The following AFF3 variants were observed in gnomAD, a reference collection of about 807,000 sequenced individuals.
The protein encoded by AFF3 is AF4/FMR2 family member 3.
AFF3 carries 32 observed loss-of-function variants against 129.7 expected under a neutral mutation model. The observed-to-expected ratio is 0.25, with a 90% CI of 0.19 to 0.33. AFF3 has a LOEUF of 0.33. AFF3 is among the 10% of genes least tolerant of loss of function. The pLI, the probability that AFF3 is intolerant of heterozygous loss-of-function variation, is 1.00. For synonymous variants in AFF3, 644 were observed against 635.4 expected (o/e 1.01, Z -0.20); for missense variants, 1,373 against 1,592.0 (o/e 0.86, Z 2.34).
intron 2 of AFF3, among the ~76,000 whole-genome samples, chr2:100,111,263 G>C (rs895971939): frequency 6.6e-6 from 1 of 152,202 alleles, no homozygotes; most frequent in Non-Finnish European, 1.5e-5. Flanking sequence ...GCACATTGCC[G>C]TGTATAGTCA....
chr2:100,058,228 G>C (rs1368766367), intron 4 of AFF3, among the ~76,000 whole-genome samples: 1 of 152,184 alleles, frequency 6.6e-6, no homozygotes, highest in Non-Finnish European at 1.5e-5. Flanking sequence ...TTGAGGCTCA[G>C]AGGAAGCACT....
rs956030661 is a variant in AFF3, at chr2:99,558,920, C to T, written c.3240G>A (p.Arg1080=). 1.2e-6 allele frequency: 2 copies of T among 1,614,008 alleles called. No individual in the cohort carries two copies. Among genetic ancestry groups the T allele is most frequent in the African/African-American group, 2.7e-5 (2 of 74,922 alleles). The change falls in exon 22 of 25, where the codon AGG becomes AGA. Residue 1080 remains arginine (R), a synonymous_variant. Transcript: ENST00000672756. The stretch of plus-strand genomic sequence containing the variant: ...CTTTTGAATACTTTACAGCGTGGTC[C>T]CTTTTGAGTCGAAACATCCGCCAGT... ...LLYWRMFRLK[R]DHAVKYSKAL...
At chr2:99,976,763 C>T (rs1576466415) in intron 7 of AFF3, among the ~76,000 whole-genome samples, 1 of 150,778 alleles carries the variant, frequency 6.6e-6, no homozygotes, top group Non-Finnish European at 1.5e-5. Context: ...TCAGATTGGA[C>T]ATTTTCAGTA....
intron 8 of AFF3, among the ~76,000 whole-genome samples, chr2:99,817,520 C>T (rs746870961): frequency 2.0e-5 from 3 of 152,156 alleles, no homozygotes; most frequent in Non-Finnish European, 4.4e-5. Flanking sequence ...AGATTACTGC[C>T]TTTAGCTCTG....
Position 99,781,022 on chromosome 2 carries a change from G to A in AFF3, c.922-28721C>T, listed in dbSNP as rs151018245. ...AGTGGCTTCTTATCTTATGGAGAAT[G>A]AAACCCAAGGTTCTTGGATCTGGCC... On this transcript the variant is annotated intron_variant, in intron 8 of 24. Transcript: ENST00000672756. Among the ~76,000 whole-genome samples, 64 of 152,298 alleles carry A rather than the reference G, an allele frequency of 4.2e-4. No homozygotes were observed. In the Middle Eastern group the frequency reaches 0.01, roughly 24 times the overall value.
chr2:99,619,514 A>T (rs947090744), intron 13 of AFF3, among the ~76,000 whole-genome samples: 7 of 152,236 alleles, frequency 4.6e-5, no homozygotes, highest in African/African-American at 1.4e-4. Flanking sequence ...ACCACAGAGC[A>T]CAGCTGATAG....
chr2:99,991,731 C>T (rs975487481), intron 7 of AFF3, among the ~76,000 whole-genome samples: 7 of 151,916 alleles, frequency 4.6e-5, no homozygotes, highest in Non-Finnish European at 8.8e-5. Flanking sequence ...GGTGAAACCC[C>T]GTGTCTACTA....
chr2:99,656,038 A>C (rs982447140), intron 12 of AFF3, among the ~76,000 whole-genome samples: 1 of 152,180 alleles, frequency 6.6e-6, no homozygotes, highest in Non-Finnish European at 1.5e-5. Flanking sequence ...TAAGTGGATT[A>C]AACTGGGGGC....
rs555852182 is a variant in AFF3, at chr2:99,987,254, A to T, written c.873+19378T>A. ...AAAAGACAGGGGTACGGAGAACTTT[A>T]TCCACATTCTTTCCATTCATCAATC... On this transcript the variant is annotated intron_variant, in intron 7 of 24. Transcript: ENST00000672756. 6.6e-5 allele frequency among the ~76,000 whole-genome samples: 10 copies of T among 152,330 alleles called. No homozygotes were observed. In the South Asian group the frequency reaches 2.1e-3, roughly 32 times the overall value.
At chr2:99,926,746 G>A (rs1002230581) in intron 7 of AFF3, among the ~76,000 whole-genome samples, 34 of 152,160 alleles carry the variant, frequency 2.2e-4, no homozygotes, top group African/African-American at 8.2e-4. Flanking sequence ...GTACTGTCAC[G>A]ATTCAACAAC....
At chr2:99,947,601 A>AAGAAAGAAAGATAGAT (rs765008346) in intron 7 of AFF3, among the ~76,000 whole-genome samples, 2 of 136,494 alleles carry the variant, frequency 1.5e-5, no homozygotes, top group Admixed American at 7.3e-5. Flanking sequence ...GAAAGAAAGA[A>AAGAAAGAAAGATAGAT]AGATAGATAG....
At chr2:99,987,372 G>C (rs1392183150) in intron 7 of AFF3, among the ~76,000 whole-genome samples, 1 of 152,164 alleles carries the variant, frequency 6.6e-6, no homozygotes, top group Admixed American at 6.5e-5. Context: ...CAACTGCAAT[G>C]ACTGCAGAAA....
At chr2:100,105,813 T>C in intron 2 of AFF3, 1 of 1,348,212 alleles carries the variant, frequency 7.4e-7, no homozygotes, top group Non-Finnish European at 9.8e-7. Flanking sequence ...TCACCAGGGA[T>C]TCCCCAGAAT....
At chr2:100,073,993 G>A (rs1341171966) in intron 4 of AFF3, among the ~76,000 whole-genome samples, 1 of 152,146 alleles carries the variant, frequency 6.6e-6, no homozygotes, top group Non-Finnish European at 1.5e-5. Context: ...TCATATCAGA[G>A]GAACTAATCT....
chr2:99,936,849 C>A (rs1674569229), intron 7 of AFF3, among the ~76,000 whole-genome samples: 1 of 152,132 alleles, frequency 6.6e-6, no homozygotes, highest in Non-Finnish European at 1.5e-5. Context: ...GACACCAGCC[C>A]AAGGTGGATT....
intron 4 of AFF3, among the ~76,000 whole-genome samples, chr2:100,024,953 T>TG: frequency 6.6e-6 from 1 of 152,160 alleles, no homozygotes; most frequent in Non-Finnish European, 1.5e-5. Flanking sequence ...CTGCTTTAGT[T>TG]GGGGGTTTTA....
intron 7 of AFF3, among the ~76,000 whole-genome samples, chr2:100,004,309 T>A (rs987252304): frequency 2.6e-5 from 4 of 152,250 alleles, no homozygotes; most frequent in African/African-American, 7.2e-5. Flanking sequence ...TCTTTATTTT[T>A]AAAAATATTG....
chr2:99,629,895 AG>A (rs1682967279), intron 13 of AFF3, among the ~76,000 whole-genome samples: 1 of 152,016 alleles, frequency 6.6e-6, no homozygotes, highest in African/African-American at 2.4e-5. Flanking sequence ...CCCCCACCAA[AG>A]GCCCCACCTC....
At position 99,916,331 on chromosome 2, in the gene AFF3, TTAC is replaced by T. The variant is rs1211180178; in HGVS notation, c.874-78810_874-78808del. On this transcript the variant is annotated intron_variant, in intron 7 of 24. Coordinates refer to ENST00000672756, the MANE Select transcript of AFF3 (RefSeq NM_001386135.1). ...CCCTGTTTTGGTTTTTGCACAGCAT[TTAC>T]TACTGTCTAAAAGTCTATCACTTAT... 1.3e-5 allele frequency among the ~76,000 whole-genome samples: 2 copies of T among 152,190 alleles called. 1 individual carries two copies. Among genetic ancestry groups the T allele is most frequent in the East Asian group, 3.9e-4 (2 of 5,192 alleles).
Sources: gnomAD v4.1 joint callset for allele counts (sites outside exome capture counted in the v4.1 genomes callset) on GRCh38, gnomAD v4.1.1 for gene constraint, MANE v1.5 for transcripts, NCBI Gene and HGNC (gene_info 2026-07-23, HGNC 2026-07-21) for gene names.